Variants in CRPPA observed in about 807,000 individuals in gnomAD.
The protein encoded by CRPPA is D-ribitol-5-phosphate cytidylyltransferase.
A neutral mutation model predicts 52.0 loss-of-function variants in CRPPA; 43 were observed. The ratio of observed to expected loss-of-function variants is 0.83; its 90% CI spans 0.65 to 1.07. The LOEUF (loss-of-function observed/expected upper bound fraction) is 1.07. Ranked by LOEUF, CRPPA falls within the 50% of genes least tolerant of loss-of-function variation. The pLI, the probability that CRPPA is intolerant of heterozygous loss-of-function variation, is 0.00. For synonymous variants in CRPPA, 250 were observed against 203.5 expected, an observed-to-expected ratio of 1.23 and a Z score of -1.94; for missense variants, 629 against 551.7, an observed-to-expected ratio of 1.14 and a Z score of -1.40.
intron 3 of CRPPA, among the ~76,000 whole-genome samples, chr7:16,320,143 A>C (rs577845408): frequency 1.3e-5 from 2 of 152,206 alleles, no homozygotes; most frequent in South Asian, 4.1e-4. Flanking sequence ...CCTTTCTAGT[A>C]GCTTTAATGA....
At chr7:16,254,344 C>A (rs1031753600) in intron 8 of CRPPA, among the ~76,000 whole-genome samples, 2 of 152,082 alleles carry the variant, frequency 1.3e-5, no homozygotes, top group African/African-American at 4.8e-5. Context: ...AACCCAAATG[C>A]CCATCAACGA....
At chr7:16,315,225 C>A (rs1005488845) in intron 3 of CRPPA, among the ~76,000 whole-genome samples, 4 of 152,036 alleles carry the variant, frequency 2.6e-5, no homozygotes, top group Admixed American at 6.6e-5. Context: ...TTGGTTCTTT[C>A]CATTTCCATC....
chr7:16,088,125 T>A lies in CRPPA; in HGVS notation c.*3570A>T, dbSNP rs904136169. 3.9e-5 allele frequency: 6 copies of A among 151,992 alleles called. No individual in the cohort carries two copies. The highest frequency in any genetic ancestry group is 1.3e-4 in the Admixed American group (2 of 15,250). The allele number at this position is 151,992 out of a possible 1,614,324, so 9.4% of individuals were successfully genotyped here. On this transcript the variant is annotated 3_prime_UTR_variant, in exon 10 of 10. Coordinates refer to ENST00000407010, the MANE Select transcript of CRPPA (RefSeq NM_001101426.4). ...AATTGAGCACTTTTATGAAAAAAAA[T>A]AGGACCTCTACCAAAATGTCATTAA...
intron 9 of CRPPA, among the ~76,000 whole-genome samples, chr7:16,124,150 T>C (rs1240243182): frequency 6.9e-6 from 1 of 145,740 alleles, no homozygotes; most frequent in Admixed American, 7.0e-5. Context: ...CTGTTTTCCA[T>C]AATGGCTGTA....
intron 5 of CRPPA, among the ~76,000 whole-genome samples, chr7:16,284,155 C>G (rs947107599): frequency 6.6e-6 from 1 of 151,990 alleles, no homozygotes; most frequent in African/African-American, 2.4e-5. Flanking sequence ...CTTGAAAAGT[C>G]TTTTCATTTA....
intron 6 of CRPPA, chr7:16,277,450 AG>A (rs2128417530): frequency 1.3e-5 from 2 of 152,234 alleles, no homozygotes; most frequent in East Asian, 3.8e-4. Flanking sequence ...CGTTGTCAAA[AG>A]GTCATCACAT....
intron 2 of CRPPA, among the ~76,000 whole-genome samples, chr7:16,389,114 T>C (rs1277933117): frequency 4.6e-5 from 7 of 152,164 alleles, no homozygotes; most frequent in Non-Finnish European, 7.3e-5. Context: ...GAATTAGTAA[T>C]TTAGAAATTT....
At chr7:16,195,932 T>G (rs1781722251) in intron 9 of CRPPA, among the ~76,000 whole-genome samples, 1 of 151,996 alleles carries the variant, frequency 6.6e-6, no homozygotes. Context: ...CCCCACAGCA[T>G]CCCATCCCCA....
chr7:16,414,907 T>C (rs774384994), intron 1 of CRPPA, among the ~76,000 whole-genome samples: 2 of 152,222 alleles, frequency 1.3e-5, no homozygotes, highest in African/African-American at 4.8e-5. Flanking sequence ...TTCTTTAAGA[T>C]TGGAGTATAT....
At chr7:16,168,356 A>G (rs1227504157) in intron 9 of CRPPA, among the ~76,000 whole-genome samples, 1 of 152,172 alleles carries the variant, frequency 6.6e-6, no homozygotes, top group Non-Finnish European at 1.5e-5. Flanking sequence ...AATATGACAT[A>G]TCTGGAATCC....
intron 9 of CRPPA, among the ~76,000 whole-genome samples, chr7:16,181,093 C>T (rs1279723046): frequency 6.6e-6 from 1 of 151,884 alleles, no homozygotes; most frequent in Non-Finnish European, 1.5e-5. Context: ...ATTTTTTCCT[C>T]ATAACGTTTT....
At chr7:16,411,570 C>T (rs575148017) in intron 1 of CRPPA, among the ~76,000 whole-genome samples, 1 of 151,544 alleles carries the variant, frequency 6.6e-6, no homozygotes, top group South Asian at 2.1e-4. Context: ...TTGTCAGGCA[C>T]TATACTAGAT....
chr7:16,184,565 A>T (rs1781470071), intron 9 of CRPPA, among the ~76,000 whole-genome samples: 1 of 152,194 alleles, frequency 6.6e-6, no homozygotes, highest in South Asian at 2.1e-4. Context: ...ACTGTTTGAG[A>T]AATACATTTT....
intron 2 of CRPPA, among the ~76,000 whole-genome samples, chr7:16,391,643 A>G (rs563020892): frequency 8.9e-4 from 136 of 152,264 alleles, no homozygotes; most frequent in Non-Finnish European, 1.5e-3. Flanking sequence ...TAAGTACTCA[A>G]TAGCCACATG....
intron 9 of CRPPA, among the ~76,000 whole-genome samples, chr7:16,097,286 T>C (rs1000766868): frequency 1.3e-5 from 2 of 152,160 alleles, no homozygotes; most frequent in Admixed American, 6.5e-5. Flanking sequence ...ATGTAACAAT[T>C]GTTCACTGAG....
At chr7:16,329,587 T>C (rs954561318) in intron 3 of CRPPA, among the ~76,000 whole-genome samples, 5 of 152,152 alleles carry the variant, frequency 3.3e-5, no homozygotes, top group African/African-American at 1.2e-4. Flanking sequence ...GGTTTTAAAC[T>C]ACATATGTGA....
intron 2 of CRPPA, among the ~76,000 whole-genome samples, chr7:16,402,274 C>G (rs1030931153): frequency 2.0e-5 from 3 of 152,156 alleles, no homozygotes; most frequent in Non-Finnish European, 4.4e-5. Context: ...TTTCATTTAA[C>G]ATTACCACAG....
intron 9 of CRPPA, among the ~76,000 whole-genome samples, chr7:16,116,608 G>T (rs533955816): frequency 2.2e-5 from 3 of 138,994 alleles, no homozygotes; most frequent in Non-Finnish European, 4.5e-5. Flanking sequence ...GTTGCAGTGA[G>T]CCAAGATTGC....
chr7:16,276,080 T>C (rs1194358046), intron 6 of CRPPA, among the ~76,000 whole-genome samples: 4 of 151,240 alleles, frequency 2.6e-5, no homozygotes, highest in African/African-American at 9.7e-5. Context: ...AAGACTAAAT[T>C]AGAAAAAACA....
Sources: allele counts gnomAD v4.1 joint callset (sites outside exome capture counted in the v4.1 genomes callset), GRCh38; gene constraint gnomAD v4.1.1; transcripts MANE v1.5; gene names NCBI Gene and HGNC (gene_info 2026-07-23, HGNC 2026-07-21).